The following AMPH variants were observed in gnomAD, a reference collection of about 807,000 sequenced individuals.
The protein encoded by AMPH is amphiphysin, also known as amphiphysin (Stiff-Mann syndrome with breast cancer 128kD autoantigen).
Under a neutral mutation model 99.1 loss-of-function variants are expected in AMPH, and 49 were observed. The ratio of observed to expected loss-of-function variants is 0.49; its 90% CI spans 0.39 to 0.63. AMPH has a LOEUF of 0.63. Among genes scored for constraint, AMPH ranks in the 20% least tolerant of loss-of-function variants. AMPH has a pLI of 0.00. For missense variants in AMPH, 759 were observed against 863.4 expected (o/e 0.88, Z 1.52); for synonymous variants, 314 against 317.3 (o/e 0.99, Z 0.11).
At chr7:38,399,900 C>G (rs2128978975) in intron 17 of AMPH, among the ~76,000 whole-genome samples, 1 of 152,214 alleles carries the variant, frequency 6.6e-6, no homozygotes, top group East Asian at 1.9e-4. Flanking sequence ...TAAAAATGTT[C>G]TCCTTGACCT....
At chr7:38,396,890 C>T (rs1367973907) in intron 17 of AMPH, among the ~76,000 whole-genome samples, 2 of 152,184 alleles carry the variant, frequency 1.3e-5, no homozygotes, top group Non-Finnish European at 2.9e-5. Flanking sequence ...AAAGTTTCTT[C>T]TATGTTAAAA....
At chr7:38,494,373 G>A (rs993177191) in intron 4 of AMPH, 60 bp downstream of exon 4, 34 of 1,395,970 alleles carry the variant, frequency 2.4e-5, no homozygotes, top group Non-Finnish European at 3.1e-5. Context: ...GAGCAAGTCA[G>A]GGGACAGGTG....
At chr7:38,537,262 G>C (rs1790645155) in intron 1 of AMPH, among the ~76,000 whole-genome samples, 1 of 152,104 alleles carries the variant, frequency 6.6e-6, no homozygotes, top group Admixed American at 6.6e-5. Flanking sequence ...ATCTGATTGA[G>C]TGGCTCACAT....
chr7:38,622,954 G>C (rs573035368), intron 1 of AMPH, among the ~76,000 whole-genome samples: 9 of 152,146 alleles, frequency 5.9e-5, no homozygotes, highest in African/African-American at 2.2e-4. Context: ...CTTGTTCCCT[G>C]CAGTGCTCAT....
At chr7:38,421,775 T>C (rs1785588235) in intron 16 of AMPH, among the ~76,000 whole-genome samples, 2 of 152,220 alleles carry the variant, frequency 1.3e-5, no homozygotes, top group African/African-American at 4.8e-5. Flanking sequence ...AGCAATGACA[T>C]GCTCAAAAGT....
chr7:38,582,125 C>T (rs1425737562), intron 1 of AMPH, among the ~76,000 whole-genome samples: 1 of 152,010 alleles, frequency 6.6e-6, no homozygotes, highest in Non-Finnish European at 1.5e-5. Context: ...GAAGCCTGAG[C>T]CATGGGAAAC....
chr7:38,508,785 G>C (rs1789428633), intron 2 of AMPH, among the ~76,000 whole-genome samples: 1 of 152,170 alleles, frequency 6.6e-6, no homozygotes, highest in Non-Finnish European at 1.5e-5. Context: ...ATTTCTCAGA[G>C]TTCAGACAGG....
At chr7:38,557,912 C>T (rs1278114257) in intron 1 of AMPH, among the ~76,000 whole-genome samples, 1 of 151,722 alleles carries the variant, frequency 6.6e-6, no homozygotes, top group Non-Finnish European at 1.5e-5. Context: ...AAAAATTAGC[C>T]ACGCATGGTG....
chr7:38,384,436 G>A lies in AMPH; in HGVS notation c.*382C>T, dbSNP rs990335915. The A allele has an allele frequency of 5.7e-6, 1 of 176,200 alleles. No homozygotes were observed. Among genetic ancestry groups the A allele is most frequent in the Non-Finnish European group, 1.2e-5 (1 of 80,506 alleles). The allele number at this position is 176,200 out of a possible 1,614,324, so 10.9% of individuals were successfully genotyped here. ...CTGGGCAGGGGAATAAGATAATCTT[G>A]TACTACAGGATAATTCATCACATCT... On this transcript the variant is annotated 3_prime_UTR_variant, in exon 21 of 21. Transcript: ENST00000356264.
At chr7:38,556,365 G>T (rs1791363134) in intron 1 of AMPH, among the ~76,000 whole-genome samples, 1 of 151,856 alleles carries the variant, frequency 6.6e-6, no homozygotes, top group African/African-American at 2.4e-5. Context: ...GGCATAAGAG[G>T]AAAAAAAATG....
At chr7:38,424,086 A>G (rs1413011559) in intron 15 of AMPH, among the ~76,000 whole-genome samples, 1 of 152,192 alleles carries the variant, frequency 6.6e-6, no homozygotes, top group Non-Finnish European at 1.5e-5. Context: ...GAGACAAAAT[A>G]AATCTTCCCT....
chr7:38,451,058 ATT>A (rs754144389), intron 11 of AMPH, among the ~76,000 whole-genome samples: 9 of 137,882 alleles, frequency 6.5e-5, no homozygotes, highest in Non-Finnish European at 7.9e-5. Context: ...ATGCCCAGCT[ATT>A]TTTTTTTTTT....
intron 1 of AMPH, among the ~76,000 whole-genome samples, chr7:38,609,719 T>C (rs62442571): frequency 0.065 from 9,682 of 148,410 alleles, 357 homozygotes; most frequent in Non-Finnish European, 0.075. Flanking sequence ...TATATATACA[T>C]TTAAATAGTG....
At chr7:38,491,909 T>C (rs968988400) in intron 4 of AMPH, among the ~76,000 whole-genome samples, 4 of 152,190 alleles carry the variant, frequency 2.6e-5, no homozygotes, top group African/African-American at 9.7e-5. Flanking sequence ...AGAGGACTTT[T>C]TATCCCAGCT....
At chr7:38,577,589 C>T (rs1792293460) in intron 1 of AMPH, among the ~76,000 whole-genome samples, 3 of 151,830 alleles carry the variant, frequency 2.0e-5, no homozygotes, top group Admixed American at 2.0e-4. Flanking sequence ...GTGTCTCATA[C>T]ACCACAGAAT....
Position 38,519,797 on chromosome 7 carries a change from T to G in AMPH, c.150+15134A>C, listed in dbSNP as rs554535255. Among the ~76,000 whole-genome samples the G allele has an allele frequency of 2.0e-5, 3 of 152,136 alleles. 1 individual carries two copies. In the South Asian group the frequency reaches 6.2e-4, roughly 32 times the overall value. On this transcript the variant is annotated intron_variant, in intron 2 of 20. Transcript: ENST00000356264. ...AAAAGAGGTATAGTAAATGACAATA[T>G]AAAAAGAGGGGTGTTGACAAATGCA...
At chr7:38,569,345 A>T (rs1463027433) in intron 1 of AMPH, among the ~76,000 whole-genome samples, 3 of 152,020 alleles carry the variant, frequency 2.0e-5, no homozygotes, top group South Asian at 4.1e-4. Flanking sequence ...AAATTACTAT[A>T]CACATAATTT....
intron 1 of AMPH, among the ~76,000 whole-genome samples, chr7:38,556,725 G>A (rs184012249): frequency 6.6e-6 from 1 of 152,086 alleles, no homozygotes; most frequent in East Asian, 1.9e-4. Flanking sequence ...TCCTCATTTG[G>A]TATCTGTTTC....
intron 12 of AMPH, among the ~76,000 whole-genome samples, chr7:38,435,800 T>C (rs1414235912): frequency 6.6e-6 from 1 of 152,146 alleles, no homozygotes; most frequent in African/African-American, 2.4e-5. Flanking sequence ...CACAGCATCA[T>C]CAAGTTCAGA....
Sources: allele counts gnomAD v4.1 joint callset (sites outside exome capture counted in the v4.1 genomes callset), GRCh38; gene constraint gnomAD v4.1.1; transcripts MANE v1.5; gene names NCBI Gene and HGNC (gene_info 2026-07-23, HGNC 2026-07-21).